Variants in DHX37 observed in about 807,000 individuals in gnomAD.
The protein encoded by DHX37 is DEAH-box helicase 37, also known as probable ATP-dependent RNA helicase DHX37.
Under a neutral mutation model 134.3 loss-of-function variants are expected in DHX37, and 52 were observed. The ratio of observed to expected loss-of-function variants is 0.39; its 90% CI spans 0.31 to 0.49. The LOEUF (loss-of-function observed/expected upper bound fraction) is 0.49. Among genes scored for constraint, DHX37 ranks in the 20% least tolerant of loss-of-function variants. The pLI is 0.93. For synonymous variants in DHX37, 634 were observed against 670.7 expected (o/e 0.95, Z 0.85); for missense variants, 1,344 against 1,580.8 (o/e 0.85, Z 2.54).
chr12:124,987,160 T>C (rs1954890273), intron 1 of DHX37, among the ~76,000 whole-genome samples: 1 of 152,170 alleles, frequency 6.6e-6, no homozygotes, highest in Non-Finnish European at 1.5e-5. Context: ...CTGGCCAACA[T>C]GGCAAAATCC....
chr12:124,959,978 C>G (rs989827110), intron 16 of DHX37, among the ~76,000 whole-genome samples: 1 of 152,246 alleles, frequency 6.6e-6, no homozygotes, highest in Non-Finnish European at 1.5e-5. Context: ...GGGATCCCCC[C>G]CTCCACTGGA....
chr12:124,949,157 C>T lies in DHX37; in HGVS notation c.3290+829G>A, dbSNP rs966608049. On this transcript the variant is annotated intron_variant, in intron 25 of 26. Coordinates refer to ENST00000308736, the MANE Select transcript of DHX37 (RefSeq NM_032656.4). This position sits in a 1 kb window ranked among gnomAD's most constrained non-coding sequence, Gnocchi z 4.0. ...CGCTGCTGTGGGACAGAGATCGTGT[C>T]TGTATCCCAGCCCCGAGAACATGCC... 7.2e-5 allele frequency among the ~76,000 whole-genome samples: 11 copies of T among 152,338 alleles called. No homozygotes were observed. The highest frequency in any genetic ancestry group is 2.6e-4 in the African/African-American group (11 of 41,564).
At chr12:124,975,324 G>A (rs1478009521) in intron 6 of DHX37, 95 bp downstream of exon 6, 15 of 1,281,742 alleles carry the variant, frequency 1.2e-5, no homozygotes, top group South Asian at 5.1e-5. Context: ...CAGCACCCTC[G>A]GCACAGATGC....
chr12:124,948,262 C>A, intron 25 of DHX37, 81 bp from the exon 26 acceptor site: 1 of 1,524,122 alleles, frequency 6.6e-7, no homozygotes. Context: ...GCAGGGCAGG[C>A]ATCACCACCC....
At chr12:124,975,623 G>A in intron 5 of DHX37, 112 bp from the exon 6 acceptor site, 2 of 1,153,490 alleles carry the variant, frequency 1.7e-6, no homozygotes, top group Non-Finnish European at 2.5e-6. Flanking sequence ...CTCACCCAGG[G>A]GCGGTGGGAA....
chr12:124,951,238 G>A (rs926701010), intron 21 of DHX37, among the ~76,000 whole-genome samples: 1 of 149,818 alleles, frequency 6.7e-6, no homozygotes, highest in Non-Finnish European at 1.5e-5. Context: ...CTGAGATCAC[G>A]CCATTGCACT....
intron 17 of DHX37, 26 bp downstream of exon 17, chr12:124,957,003 C>A: frequency 6.6e-7 from 1 of 1,525,430 alleles, no homozygotes; most frequent in Non-Finnish European, 8.8e-7. Context: ...GGGGCAGGAA[C>A]TGGGCTCTGC....
intron 16 of DHX37, among the ~76,000 whole-genome samples, chr12:124,958,509 G>A (rs868251294): frequency 7.2e-5 from 11 of 152,186 alleles, no homozygotes; most frequent in Non-Finnish European, 1.6e-4. Context: ...AGTGTCTCAG[G>A]CTCCTCATCT....
intron 15 of DHX37, among the ~76,000 whole-genome samples, chr12:124,961,130 TTACA>T (rs1465719621): frequency 2.6e-5 from 4 of 152,240 alleles, no homozygotes; most frequent in African/African-American, 7.2e-5. Flanking sequence ...AAGCTATTTA[TTACA>T]TACACGCGTG....
chr12:124,973,013 G>A (rs759385741), intron 6 of DHX37, among the ~76,000 whole-genome samples: 5 of 152,230 alleles, frequency 3.3e-5, no homozygotes, highest in Non-Finnish European at 7.3e-5. Context: ...GTGGTGGTGT[G>A]CACCTGTAGT....
intron 12 of DHX37, among the ~76,000 whole-genome samples, chr12:124,966,590 T>C (rs1189938458): frequency 6.6e-6 from 1 of 151,966 alleles, no homozygotes; most frequent in Non-Finnish European, 1.5e-5. Flanking sequence ...TCTCAAACTC[T>C]AGGCCTCAAG....
intron 15 of DHX37, among the ~76,000 whole-genome samples, chr12:124,962,350 G>A (rs954558837): frequency 2.0e-5 from 3 of 151,896 alleles, no homozygotes; most frequent in Non-Finnish European, 4.4e-5. Flanking sequence ...GTGAAACCCC[G>A]TCTCTACTAA....
chr12:124,988,860 G>T, intron 1 of DHX37, 57 bp downstream of exon 1: 1 of 1,174,050 alleles, frequency 8.5e-7, no homozygotes, highest in Non-Finnish European at 1.1e-6. Flanking sequence ...CTGAAGGCAG[G>T]GCACAGGCCG....
At position 124,980,503 on chromosome 12, in the gene DHX37, G is replaced by A. The variant is rs1356530272; in HGVS notation, c.725C>T (p.Ser242Phe). 2 of 1,608,380 alleles carry A rather than the reference G, an allele frequency of 1.2e-6. No individual in the cohort carries two copies. Among genetic ancestry groups the A allele is most frequent in the African/African-American group, 1.3e-5 (1 of 74,638 alleles). ...GGGGTGGCGAACCTGCATTTCCGGG[G>A]AGCGGTTCACGGGGATGAAGACGGC... ...KPAVFIPVNR[S>F]PEMQEERLKL... The change falls in exon 4 of 27, where the codon TCC becomes TTC. Residue 242 changes from serine to phenylalanine, a missense_variant. By Grantham distance (155) the Ser-to-Phe change is radical (BLOSUM62 -2). This residue lies in a region of DHX37 where 77 missense variants were observed against 121.6 expected (regional missense o/e 0.63). Coordinates refer to ENST00000308736, the MANE Select transcript of DHX37 (RefSeq NM_032656.4). This position sits in a 1 kb window ranked among gnomAD's most constrained non-coding sequence, Gnocchi z 5.3.
chr12:124,963,766 G>C (rs1335523570), intron 15 of DHX37, among the ~76,000 whole-genome samples: 1 of 150,178 alleles, frequency 6.7e-6, no homozygotes, highest in African/African-American at 2.5e-5. Flanking sequence ...TGTAGTCCCA[G>C]CTACTCGGGA....
intron 15 of DHX37, among the ~76,000 whole-genome samples, chr12:124,962,191 G>C (rs945381271): frequency 1.3e-5 from 2 of 152,032 alleles, no homozygotes; most frequent in Admixed American, 6.6e-5. Context: ...CTGAGCAACA[G>C]AGTGAGACTT....
At chr12:124,954,612 A>C (rs1954053688) in intron 18 of DHX37, among the ~76,000 whole-genome samples, 1 of 151,998 alleles carries the variant, frequency 6.6e-6, no homozygotes, top group Non-Finnish European at 1.5e-5. Context: ...GTTAGCCAGA[A>C]TGGTCTCGAT....
intron 15 of DHX37, among the ~76,000 whole-genome samples, chr12:124,961,223 C>T (rs1028988795): frequency 2.6e-5 from 3 of 114,286 alleles, no homozygotes; most frequent in Non-Finnish European, 5.2e-5. Context: ...CGCACGCACA[C>T]GCACGCACAC....
chr12:124,950,626 T>A, intron 22 of DHX37, 64 bp downstream of exon 22: 1 of 1,582,750 alleles, frequency 6.3e-7, no homozygotes. Flanking sequence ...TGCCCCAGGG[T>A]CCCAGCCACA....
Sources: allele counts gnomAD v4.1 joint callset (sites outside exome capture counted in the v4.1 genomes callset), GRCh38; gene constraint gnomAD v4.1.1; regional missense constraint gnomAD v4.1.1; non-coding constraint Gnocchi (gnomAD v3.1); transcripts MANE v1.5; gene names NCBI Gene and HGNC (gene_info 2026-07-23, HGNC 2026-07-21).